RBM27: variants seen among roughly 807,000 people sequenced by gnomAD.
RBM27 encodes the protein RNA binding motif protein 27.
Under a neutral mutation model 135.3 loss-of-function variants are expected in RBM27, and 22 were observed. That is an observed-to-expected ratio of 0.16 (90% CI 0.12 to 0.23). RBM27 has a LOEUF of 0.23. RBM27 is among the 10% of genes least tolerant of loss of function. The pLI is 1.00. For missense variants in RBM27, 1,009 were observed against 1,281.0 expected (o/e 0.79, Z 3.24); for synonymous variants, 481 against 442.4 (o/e 1.09, Z -1.10).
chr5:146,210,864 G>C (rs532796751), intron 1 of RBM27, among the ~76,000 whole-genome samples: 1 of 152,036 alleles, frequency 6.6e-6, no homozygotes, highest in South Asian at 2.1e-4. Flanking sequence ...GGAGAATGAC[G>C]TGAACCTGGG....
chr5:146,274,717 A>C (rs1759019823), intron 19 of RBM27, among the ~76,000 whole-genome samples: 1 of 152,198 alleles, frequency 6.6e-6, no homozygotes. Context: ...TATGAAAGGT[A>C]TATTTACATT....
chr5:146,205,758 C>T (rs1003858417), intron 1 of RBM27, among the ~76,000 whole-genome samples: 3 of 152,076 alleles, frequency 2.0e-5, no homozygotes, highest in Non-Finnish European at 4.4e-5. Context: ...CGGTGGTTCA[C>T]GCCTGTAATC....
intron 3 of RBM27, among the ~76,000 whole-genome samples, chr5:146,227,959 A>G (rs1262072923): frequency 6.6e-6 from 1 of 152,170 alleles, no homozygotes; most frequent in Non-Finnish European, 1.5e-5. Flanking sequence ...GAGCTACTCA[A>G]ATGAATTATG....
chr5:146,212,458 C>T (rs1756007445), intron 1 of RBM27, among the ~76,000 whole-genome samples: 1 of 151,730 alleles, frequency 6.6e-6, no homozygotes, highest in Non-Finnish European at 1.5e-5. Flanking sequence ...AGACAATCCT[C>T]CCACTTCAGC....
At position 146,261,812 on chromosome 5, in the gene RBM27, C is replaced by T. The variant is rs1758411767; in HGVS notation, c.2190+6C>T. ...TGCACGGAGGTATCCAGAAGGTAAT[C>T]TGGTTCACTGGGAATTAAAGGTCTT... On this transcript the variant is annotated splice_donor_region_variant and intron_variant, in intron 13 of 20. Coordinates refer to ENST00000265271, the MANE Select transcript of RBM27 (RefSeq NM_018989.2). The T allele has an allele frequency of 1.2e-6, 2 of 1,613,902 alleles. No homozygotes were observed. Among genetic ancestry groups the T allele is most frequent in the Non-Finnish European group, 1.7e-6 (2 of 1,179,806 alleles).
intron 14 of RBM27, among the ~76,000 whole-genome samples, chr5:146,264,609 A>G (rs1048707923): frequency 3.0e-4 from 45 of 150,992 alleles, no homozygotes; most frequent in African/African-American, 1.0e-3. Flanking sequence ...TTAGTAATAT[A>G]TCTATACTAT....
intron 1 of RBM27, among the ~76,000 whole-genome samples, chr5:146,206,481 C>G (rs1681755957): frequency 7.0e-6 from 1 of 142,632 alleles, no homozygotes; most frequent in African/African-American, 2.6e-5. Flanking sequence ...TTAGTTTCTC[C>G]TTTTGAGTTA....
intron 10 of RBM27, 131 bp downstream of exon 10, chr5:146,255,223 G>A: frequency 4.4e-6 from 3 of 676,560 alleles, no homozygotes; most frequent in Non-Finnish European, 6.7e-6. Flanking sequence ...TCTTTGGAGG[G>A]TGCTATGTAT....
chr5:146,257,275 A>G (rs1191829409), intron 10 of RBM27, among the ~76,000 whole-genome samples: 1 of 152,222 alleles, frequency 6.6e-6, no homozygotes, highest in Non-Finnish European at 1.5e-5. Flanking sequence ...TCAAGATTTA[A>G]TAGGCATAGT....
At position 146,286,599 on chromosome 5, in the gene RBM27, A is replaced by T. The variant is rs1330456095; in HGVS notation, c.*569A>T. On this transcript the variant is annotated 3_prime_UTR_variant, in exon 21 of 21. Transcript: ENST00000265271. Reference sequence around the variant, plus strand: ...TCTAAATTTGTTTTTCATGGTTTTTATGTGTGGTAGTACTAGTTCAGTGAA... The same window carrying T: ...TCTAAATTTGTTTTTCATGGTTTTTTTGTGTGGTAGTACTAGTTCAGTGAA... The T allele has an allele frequency of 1.4e-5, 2 of 144,636 alleles. No individual in the cohort carries two copies. Among genetic ancestry groups the T allele is most frequent in the Non-Finnish European group, 3.0e-5 (2 of 66,096 alleles). 9.0% of individuals were successfully genotyped at this position (144,636 alleles called of 1,614,324 possible). A position where few individuals can be genotyped will look rare whatever the true frequency, so the allele number is the denominator to read the frequency against.
intron 6 of RBM27, among the ~76,000 whole-genome samples, chr5:146,231,401 T>G (rs948037271): frequency 6.6e-6 from 1 of 151,406 alleles, no homozygotes; most frequent in East Asian, 2.0e-4. Flanking sequence ...CACCGCACCA[T>G]GCCTATAGTC....
At chr5:146,241,397 T>C (rs1757402877) in intron 8 of RBM27, among the ~76,000 whole-genome samples, 1 of 152,252 alleles carries the variant, frequency 6.6e-6, no homozygotes, top group Non-Finnish European at 1.5e-5. Flanking sequence ...TTAGATCTCA[T>C]GTTTTTTGAA....
intron 1 of RBM27, among the ~76,000 whole-genome samples, chr5:146,205,699 A>T (rs549125222): frequency 6.6e-6 from 1 of 152,158 alleles, no homozygotes; most frequent in South Asian, 2.1e-4. Context: ...AAAAGGTTGA[A>T]AAAAGAAAAA....
rs527985200 is a variant in RBM27, at chr5:146,222,237, G to C, written c.179-1166G>C. Among the ~76,000 whole-genome samples, 3 of 152,322 alleles carry C rather than the reference G, an allele frequency of 2.0e-5. No homozygotes were observed. In the East Asian group the frequency reaches 5.8e-4, roughly 29 times the overall value. ...AGTAGTGTAAAGAAATTTATAAGAA[G>C]ATGCTTTTCTGTAGAAAAGATAACA... On this transcript the variant is annotated intron_variant, in intron 2 of 20. Coordinates refer to ENST00000265271, the MANE Select transcript of RBM27 (RefSeq NM_018989.2).
chr5:146,235,637 C>T (rs112739783), intron 7 of RBM27, among the ~76,000 whole-genome samples: 2,169 of 151,198 alleles, frequency 0.014, 55 homozygotes, highest in African/African-American at 0.05. Flanking sequence ...CCTATAGAAA[C>T]ATGTTGTTGT....
rs114836850 is a variant in RBM27 at position 146,275,907 on chromosome 5, A to T, written c.2988+4233A>T. Among the ~76,000 whole-genome samples the T allele has an allele frequency of 1.2e-3, 183 of 152,298 alleles. 2 individuals carry two copies. The highest frequency in any genetic ancestry group is 4.3e-3 in the African/African-American group (179 of 41,560). ...ATTTTTCCTTCTTTTCAAGAAGTCT[A>T]GAGTTAGGTTTTAGGATTGATCAAT... On this transcript the variant is annotated intron_variant, in intron 19 of 20. Transcript: ENST00000265271.
At chr5:146,223,624 T>C (rs545940588) in intron 3 of RBM27, 97 bp downstream of exon 3, 7 of 1,360,976 alleles carry the variant, frequency 5.1e-6, no homozygotes, top group South Asian at 1.6e-5. Context: ...AATTGTGTAT[T>C]GATTCAAGTT....
intron 19 of RBM27, among the ~76,000 whole-genome samples, chr5:146,282,870 A>G (rs1432100773): frequency 1.3e-5 from 2 of 152,218 alleles, no homozygotes; most frequent in Non-Finnish European, 2.9e-5. Flanking sequence ...GCGTCATAAT[A>G]TATCTTTATT....
intron 17 of RBM27, among the ~76,000 whole-genome samples, 158 bp downstream of exon 17, chr5:146,269,742 C>CTT (rs34783557): frequency 0.052 from 6,211 of 118,844 alleles, 234 homozygotes; most frequent in Non-Finnish European, 0.062. Context: ...ATTATAGTAC[C>CTT]TTTTTTTTTT....
Sources: allele counts gnomAD v4.1 joint callset (sites outside exome capture counted in the v4.1 genomes callset), GRCh38; gene constraint gnomAD v4.1.1; transcripts MANE v1.5; gene names NCBI Gene and HGNC (gene_info 2026-07-23, HGNC 2026-07-21).